Variants in SLC40A1 observed in about 807,000 individuals in gnomAD.
SLC40A1 encodes the protein ferroportin.
Under a neutral mutation model 53.5 loss-of-function variants are expected in SLC40A1, and 16 were observed. The ratio of observed to expected loss-of-function variants is 0.30; its 90% CI spans 0.20 to 0.45. The LOEUF (loss-of-function observed/expected upper bound fraction) is 0.45, where lower values mean the gene tolerates loss of function less well. Ranked by LOEUF, SLC40A1 falls within the 20% of genes least tolerant of loss-of-function variation. The probability of loss-of-function intolerance (pLI) is 1.00; values close to 1 mark genes in which losing one functional copy is unlikely to be tolerated. For missense variants in SLC40A1, 545 were observed against 695.4 expected (o/e 0.78, Z 2.43); for synonymous variants, 247 against 253.2 (o/e 0.98, Z 0.23).
rs1379715048 is a variant in SLC40A1, at chr2:189,579,866, A to G, written c.58T>C (p.Tyr20His). The change falls in exon 2 of 8, where the codon TAC (tyrosine) becomes CAC (histidine). Residue 20 changes from tyrosine to histidine, a missense_variant. Physicochemically the swap from Tyr to His is moderately conservative, Grantham distance 83 (BLOSUM62 2). Transcript: ENST00000261024. ...AGAAGGAATTTTGCAGAGGTCAGGT[A>G]GTCGGCCAAGGATCCTGCAAAGACA... ...QRGCCGSLAD[Y>H]LTSAKFLLYL... The G allele has an allele frequency of 6.2e-7, 1 of 1,614,094 alleles. No homozygotes were observed. Among genetic ancestry groups the G allele is most frequent in the Non-Finnish European group, 8.5e-7 (1 of 1,180,034 alleles).
intron 7 of SLC40A1, among the ~76,000 whole-genome samples, chr2:189,562,604 C>T (rs1343663315): frequency 6.6e-6 from 1 of 152,086 alleles, no homozygotes; most frequent in South Asian, 2.1e-4. Flanking sequence ...TATATTACTG[C>T]TAGAGTTCTA....
In SLC40A1 at chr2:189,561,596, T is replaced by C. The variant is rs1000244159; in HGVS notation, c.*282A>G. ...TGACTAACCACTCTTTTACGTAAGATTGTATCTACTCATGAGAAATAGGGG... is the reference window on the plus strand; with the variant it reads ...TGACTAACCACTCTTTTACGTAAGACTGTATCTACTCATGAGAAATAGGGG... On this transcript the variant is annotated 3_prime_UTR_variant, in exon 8 of 8. Transcript: ENST00000261024. 19 of 383,204 alleles carry C rather than the reference T, an allele frequency of 5.0e-5. No homozygotes were observed. Among genetic ancestry groups the C allele is most frequent in the African/African-American group, 3.5e-4 (17 of 48,760 alleles). The allele number at this position is 383,204 out of a possible 1,614,324, so 23.7% of individuals were successfully genotyped here. A position where few individuals can be genotyped will look rare whatever the true frequency, so the allele number is the denominator to read the frequency against.
Position 189,561,247 on chromosome 2 carries a change from A to G in SLC40A1, c.*631T>C, listed in dbSNP as rs1334529013. On this transcript the variant is annotated 3_prime_UTR_variant, in exon 8 of 8. Coordinates refer to ENST00000261024, the MANE Select transcript of SLC40A1 (RefSeq NM_014585.6). Reference sequence around the variant, plus strand: ...TGATAACCATGCTGTGAAGTGCTACATATGCTTCATACAATATGTTGCCCC... The same window carrying G: ...TGATAACCATGCTGTGAAGTGCTACGTATGCTTCATACAATATGTTGCCCC... The G allele has an allele frequency of 6.5e-6, 1 of 152,718 alleles. No individual in the cohort carries two copies. Among genetic ancestry groups the G allele is most frequent in the African/African-American group, 2.4e-5 (1 of 41,442 alleles). 9.5% of individuals were successfully genotyped at this position (152,718 alleles called of 1,614,324 possible). A position where few individuals can be genotyped will look rare whatever the true frequency, so the allele number is the denominator to read the frequency against.
In SLC40A1 at chr2:189,571,969, A is replaced by T. The variant is rs1243881054; in HGVS notation, c.388-128T>A. 7.0e-6 allele frequency: 5 copies of T among 716,496 alleles called. No homozygotes were observed. In the African/African-American group the frequency reaches 8.8e-5, roughly 13 times the overall value. 44.4% of individuals were successfully genotyped at this position (716,496 alleles called of 1,614,324 possible). A position where few individuals can be genotyped will look rare whatever the true frequency, so the allele number is the denominator to read the frequency against. On this transcript the variant is annotated intron_variant, in intron 4 of 7. Transcript: ENST00000261024. ...AAAAAGTATTTTAATTTCATTTATA[A>T]GAAATCATTTTACGTTATAGATATG...
intron 5 of SLC40A1, among the ~76,000 whole-genome samples, chr2:189,569,981 TATAC>T (rs1339551915): frequency 4.2e-5 from 6 of 144,258 alleles, no homozygotes; most frequent in Non-Finnish European, 9.2e-5. Context: ...TATGTATATA[TATAC>T]ACACCTATAT....
chr2:189,572,583 C>A, intron 4 of SLC40A1: 1 of 532,920 alleles, frequency 1.9e-6, no homozygotes, highest in Non-Finnish European at 3.4e-6. Context: ...AAGCTGAAAA[C>A]AAACAACTGA....
At position 189,565,611 on chromosome 2, in the gene SLC40A1, G is replaced by A; in HGVS notation, c.515-12C>T. 6.2e-7 allele frequency: 1 copy of A among 1,614,142 alleles called. No individual in the cohort carries two copies. The highest frequency in any genetic ancestry group is 8.5e-7 in the Non-Finnish European group (1 of 1,180,038). ...TGTGGCATTCATATCTAGAGAGGCA[G>A]GTGAAAGAGGCAGGTAAGTGTGCAA... On this transcript the variant is annotated splice_polypyrimidine_tract_variant and intron_variant, in intron 5 of 7. Coordinates refer to ENST00000261024, the MANE Select transcript of SLC40A1 (RefSeq NM_014585.6).
chr2:189,565,740 T>C, intron 5 of SLC40A1, 141 bp from the exon 6 acceptor site: 1 of 1,254,620 alleles, frequency 8.0e-7, no homozygotes, highest in Non-Finnish European at 1.1e-6. Flanking sequence ...AAGAAAGACA[T>C]TTTGTTGGAA....
intron 3 of SLC40A1, among the ~76,000 whole-genome samples, 185 bp from the exon 4 acceptor site, chr2:189,573,146 C>T (rs1476320050): frequency 6.6e-6 from 1 of 152,162 alleles, no homozygotes; most frequent in Non-Finnish European, 1.5e-5. Flanking sequence ...GAGGATCACA[C>T]CAGACCAGTA....
At chr2:189,574,916 T>C (rs2031242431) in intron 3 of SLC40A1, among the ~76,000 whole-genome samples, 1 of 152,166 alleles carries the variant, frequency 6.6e-6, no homozygotes, top group South Asian at 2.1e-4. Context: ...CATTAACATA[T>C]GAAATTTATG....
At chr2:189,572,614 A>G (rs913078337) in intron 4 of SLC40A1, 11 of 581,804 alleles carry the variant, frequency 1.9e-5, no homozygotes, top group Middle Eastern at 9.1e-4. Context: ...AAACTCTTAG[A>G]AATGCCATTA....
At position 189,580,642 on chromosome 2, in the gene SLC40A1, T is replaced by C; in HGVS notation, c.-182A>G. The C allele has an allele frequency of 6.6e-7, 1 of 1,524,740 alleles. No individual in the cohort carries two copies. 94.5% of individuals were successfully genotyped at this position (1,524,740 alleles called of 1,614,324 possible). On this transcript the variant is annotated 5_prime_UTR_variant, in exon 1 of 8. Coordinates refer to ENST00000261024, the MANE Select transcript of SLC40A1 (RefSeq NM_014585.6). ...ACAAAAGAAAAGGGGCCCAGGGATT[T>C]TCTTTTTTCCTTCTTTCCAAACTTA...
At position 189,571,724 on chromosome 2, in the gene SLC40A1, T is replaced by G. The variant is rs767707750; in HGVS notation, c.505A>C (p.Lys169Gln). Residue 169 changes from lysine to glutamine, a missense_variant, in exon 5 of 8, where the codon AAA becomes CAA. Lys to Gln is a moderately conservative substitution (Grantham distance 53, BLOSUM62 1). Around this residue, in one of 4 missense-constraint regions of SLC40A1, gnomAD observed 197 missense variants for 278.8 expected, o/e 0.71. Transcript: ENST00000261024. ...GAGAAAGCCAAATTACTTGCTAGTT[T>G]GCTTCTGTCTTCTCCTGCAACAACA... ...IVVVAGEDRS[K>Q]LANMNATIRR... The G allele has an allele frequency of 1.2e-6, 2 of 1,612,322 alleles. No individual in the cohort carries two copies. Among genetic ancestry groups the G allele is most frequent in the Non-Finnish European group, 1.7e-6 (2 of 1,178,518 alleles).
intron 7 of SLC40A1, 147 bp from the exon 8 acceptor site, chr2:189,562,338 A>C: frequency 1.6e-6 from 1 of 613,038 alleles, no homozygotes. Flanking sequence ...GCCTTGCCTT[A>C]AGAATTATTT....
At chr2:189,565,129 G>C (rs1329252692) in intron 6 of SLC40A1, among the ~76,000 whole-genome samples, 2 of 152,058 alleles carry the variant, frequency 1.3e-5, no homozygotes, top group African/African-American at 4.8e-5. Flanking sequence ...TCACATCAAG[G>C]AAGAGGGCTA....
chr2:189,577,477 G>A (rs979791738), intron 2 of SLC40A1, among the ~76,000 whole-genome samples: 1 of 152,246 alleles, frequency 6.6e-6, no homozygotes, highest in Non-Finnish European at 1.5e-5. Flanking sequence ...AATGGAGAGA[G>A]TTTGTAAGAT....
intron 5 of SLC40A1, among the ~76,000 whole-genome samples, chr2:189,569,824 T>A (rs1186379930): frequency 2.0e-5 from 3 of 152,156 alleles, no homozygotes; most frequent in African/African-American, 7.2e-5. Context: ...ATTCTTCCAC[T>A]CTGCAATAAT....
At chr2:189,578,358 A>G (rs1488055617) in intron 2 of SLC40A1, 2 of 1,002,358 alleles carry the variant, frequency 2.0e-6, no homozygotes, top group Non-Finnish European at 2.4e-6. Flanking sequence ...GACTTACTGT[A>G]AAGTTGGGAT....
At chr2:189,576,110 T>C (rs529477488) in intron 2 of SLC40A1, among the ~76,000 whole-genome samples, 9 of 152,224 alleles carry the variant, frequency 5.9e-5, no homozygotes, top group Admixed American at 5.2e-4. Context: ...TAACAGAAAC[T>C]TTTAAGTGAA....
Sources: allele counts gnomAD v4.1 joint callset (sites outside exome capture counted in the v4.1 genomes callset), GRCh38; gene constraint gnomAD v4.1.1; regional missense constraint gnomAD v4.1.1; transcripts MANE v1.5; gene names NCBI Gene and HGNC (gene_info 2026-07-23, HGNC 2026-07-21).